EPB42: variants seen among roughly 807,000 people sequenced by gnomAD.
EPB42 encodes protein 4.2.
Under a neutral mutation model 76.9 loss-of-function variants are expected in EPB42, and 49 were observed. That is an observed-to-expected ratio of 0.64 (90% CI 0.51 to 0.81). The LOEUF is 0.81. EPB42 is among the 30% of genes least tolerant of loss of function. The pLI is 0.00. For missense variants in EPB42, 731 were observed against 867.6 expected, an observed-to-expected ratio of 0.84 and a Z score of 1.98; for synonymous variants, 310 against 338.4, an observed-to-expected ratio of 0.92 and a Z score of 0.92.
At chr15:43,212,662 C>T (rs912794293) in intron 3 of EPB42, among the ~76,000 whole-genome samples, 1 of 152,206 alleles carries the variant, frequency 6.6e-6, no homozygotes, top group Non-Finnish European at 1.5e-5. Context: ...GGATTTCTGC[C>T]CCGGGGGTGT....
chr15:43,216,674 C>T (rs117531532), intron 1 of EPB42, among the ~76,000 whole-genome samples: 80 of 152,274 alleles, frequency 5.3e-4, no homozygotes, highest in Admixed American at 8.5e-4. Flanking sequence ...AGATGATGTA[C>T]AATACATTTA....
At chr15:43,211,695 C>T (rs1195457004) in intron 3 of EPB42, among the ~76,000 whole-genome samples, 161 bp from the exon 4 acceptor site, 2 of 152,200 alleles carry the variant, frequency 1.3e-5, no homozygotes, top group Admixed American at 1.3e-4. Flanking sequence ...TTCACTGCCC[C>T]CACTGGGACC....
intron 10 of EPB42, among the ~76,000 whole-genome samples, chr15:43,203,515 G>A (rs1178777826): frequency 6.6e-6 from 1 of 152,154 alleles, no homozygotes; most frequent in Non-Finnish European, 1.5e-5. Flanking sequence ...AGGGTCCCCT[G>A]TGAACTGGAA....
rs746815461 is a variant in EPB42 at position 43,213,440 on chromosome 15, G to T, written c.430+1655C>A. On this transcript the variant is annotated intron_variant, in intron 3 of 12. Coordinates refer to ENST00000441366, the MANE Select transcript of EPB42 (RefSeq NM_001114134.2). Reference sequence around the variant, plus strand: ...GGAGCCAATGACTCTCCCCTGCCCAGACAGAGACCTCCACCCACACTCAGG... The same window carrying T: ...GGAGCCAATGACTCTCCCCTGCCCATACAGAGACCTCCACCCACACTCAGG... 4.6e-4 allele frequency among the ~76,000 whole-genome samples: 70 copies of T among 152,160 alleles called. 1 individual carries two copies. The highest frequency in any genetic ancestry group is 2.0e-4 in the Admixed American group (3 of 15,264).
Position 43,215,240 on chromosome 15 carries a change from C to A in EPB42, c.285G>T (p.Glu95Asp). 1 of 1,614,212 alleles carries A rather than the reference C, an allele frequency of 6.2e-7. No homozygotes were observed. Among genetic ancestry groups the A allele is most frequent in the East Asian group, 2.2e-5 (1 of 44,888 alleles). ...GDRKWWSAVV[E>D]ERDAQSWTIS... ...TGGTCCAGGACTGGGCATCTCTCTC[C>A]TCCACCACTGCACTCCACCACTTTC... Residue 95 changes from glutamate (E) to aspartate (D), a missense_variant, in exon 3 of 13, where the codon GAG (glutamate) becomes GAT (aspartate). Coordinates refer to ENST00000441366, the MANE Select transcript of EPB42 (RefSeq NM_001114134.2).
At chr15:43,201,803 T>C (rs1376582288) in intron 12 of EPB42, 41 bp downstream of exon 12, 1 of 1,613,914 alleles carries the variant, frequency 6.2e-7, no homozygotes, top group Non-Finnish European at 8.5e-7. Context: ...TTCTGACCCA[T>C]TGAGACATTT....
intron 6 of EPB42, 119 bp downstream of exon 6, chr15:43,209,155 G>T: frequency 8.6e-7 from 1 of 1,167,990 alleles, no homozygotes; most frequent in Non-Finnish European, 1.3e-6. Flanking sequence ...TCTGTGTGAT[G>T]AGATGGGGAA....
At chr15:43,222,281 A>G (rs964529717), upstream of EPB42, among the ~76,000 whole-genome samples, 2 of 152,246 alleles carry the variant, frequency 1.3e-5, no homozygotes, top group Non-Finnish European at 2.9e-5. Context: ...CCAAAAGTAT[A>G]GAAGCCAATA....
intron 6 of EPB42, 43 bp downstream of exon 6, chr15:43,209,231 A>C: frequency 6.2e-7 from 1 of 1,609,968 alleles, no homozygotes; most frequent in Non-Finnish European, 8.5e-7. Context: ...GCCAGGGAAC[A>C]ACCCAGGAGG....
intron 10 of EPB42, among the ~76,000 whole-genome samples, chr15:43,203,844 A>T (rs531850): frequency 0.87 from 132,353 of 152,136 alleles, 57,757 homozygotes; most frequent in Middle Eastern, 0.92. Context: ...GGTTCTTGCC[A>T]CAGAACGTGG....
At chr15:43,220,660 ACAG>A in intron 1 of EPB42, 153 bp downstream of exon 1, 7 of 138,538 alleles carry the variant, frequency 5.1e-5, no homozygotes, top group Middle Eastern at 2.1e-3. Context: ...CCCCCCCCCC[ACAG>A]CCACCTCATT....
chr15:43,202,020 G>A (rs1567271376), intron 11 of EPB42, 43 bp from the exon 12 acceptor site: 7 of 1,612,716 alleles, frequency 4.3e-6, no homozygotes, highest in African/African-American at 1.3e-5. Context: ...CAAGGGCACA[G>A]CTGCAGTCAC....
At position 43,209,543 on chromosome 15, in the gene EPB42, A is replaced by G. The variant is rs996701903; in HGVS notation, c.655-92T>C. 5.9e-6 allele frequency: 8 copies of G among 1,366,394 alleles called. No individual in the cohort carries two copies. The East Asian group carries it at 1.6e-4, about 28-fold the overall frequency. The allele number at this position is 1,366,394 out of a possible 1,614,324, so 84.6% of individuals were successfully genotyped here. ...AAGGAGGGCTCATCACAGTACTCCA[A>G]CCATGGTGAACAGATCCCCAGCATT... On this transcript the variant is annotated intron_variant, in intron 5 of 12. Transcript: ENST00000441366.
rs895740697 is a variant in EPB42, at chr15:43,209,645, G to A, written c.655-194C>T. 7 of 609,550 alleles carry A rather than the reference G, an allele frequency of 1.1e-5. No individual in the cohort carries two copies. In the African/African-American group the frequency reaches 1.3e-4, roughly 11 times the overall value. The allele number at this position is 609,550 out of a possible 1,614,324, so 37.8% of individuals were successfully genotyped here. ...CCCCTGGGTCATAGCTCTAGGGCTG[G>A]AGCCCAGGACCCTCCTTCTTAACAA... On this transcript the variant is annotated intron_variant, in intron 5 of 12. Transcript: ENST00000441366.
chr15:43,220,557 C>T (rs1350324686), intron 1 of EPB42, among the ~76,000 whole-genome samples: 1 of 151,962 alleles, frequency 6.6e-6, no homozygotes, highest in Non-Finnish European at 1.5e-5. Context: ...GCAACATCAC[C>T]ATCACCTCCG....
chr15:43,214,258 G>A (rs1248671772), intron 3 of EPB42, among the ~76,000 whole-genome samples: 1 of 152,156 alleles, frequency 6.6e-6, no homozygotes. Context: ...GTCTTATTTG[G>A]ACATGTATTA....
At chr15:43,201,244 G>A (rs1012746200) in intron 12 of EPB42, among the ~76,000 whole-genome samples, 1 of 152,046 alleles carries the variant, frequency 6.6e-6, no homozygotes, top group Non-Finnish European at 1.5e-5. Flanking sequence ...GAAAGTGGTG[G>A]GTGTACACGA....
At chr15:43,200,444 T>C (rs2042108426) in intron 12 of EPB42, among the ~76,000 whole-genome samples, 2 of 152,106 alleles carry the variant, frequency 1.3e-5, no homozygotes, top group South Asian at 4.1e-4. Flanking sequence ...AACAAGGGAC[T>C]AATACCTGGA....
upstream of EPB42, among the ~76,000 whole-genome samples, chr15:43,223,115 A>C (rs971765714): frequency 5.9e-5 from 9 of 152,182 alleles, no homozygotes; most frequent in African/African-American, 9.7e-5. Context: ...CAGGAGTTTG[A>C]GACCAGCCTG....
Sources: allele counts gnomAD v4.1 joint callset (sites outside exome capture counted in the v4.1 genomes callset), GRCh38; gene constraint gnomAD v4.1.1; transcripts MANE v1.5; gene names NCBI Gene and HGNC (gene_info 2026-07-23, HGNC 2026-07-21).